Variants in POLQ observed in about 807,000 individuals in gnomAD.
POLQ encodes epididymis secretory sperm binding protein.
POLQ carries 233 observed loss-of-function variants against 259.2 expected under a neutral mutation model. The observed-to-expected ratio is 0.90, with a 90% confidence interval of 0.81 to 1.00. POLQ has a LOEUF of 1.00. Among genes scored for constraint, POLQ ranks in the 50% least tolerant of loss-of-function variants. POLQ has a pLI of 0.00. For synonymous variants in POLQ, 1,025 were observed against 1,048.8 expected (o/e 0.98, Z 0.44); for missense variants, 2,871 against 3,051.6 (o/e 0.94, Z 1.39).
At position 121,541,465 on chromosome 3, in the gene POLQ, C is replaced by T; in HGVS notation, c.358G>A (p.Gly120Arg). 6.2e-7 allele frequency: 1 copy of T among 1,604,562 alleles called. No homozygotes were observed. The highest frequency in any genetic ancestry group is 8.5e-7 in the Non-Finnish European group (1 of 1,176,718). The change falls in exon 3 of 30, where the codon GGG (glycine) becomes AGG (arginine). Residue 120 changes from glycine to arginine, a missense_variant. Physicochemically the swap from Gly to Arg is moderately radical, Grantham distance 125 (BLOSUM62 -2). Coordinates refer to ENST00000264233, the MANE Select transcript of POLQ (RefSeq NM_199420.4). ...AGTAATTCTGCCACAAGAGTCTTCC[C>T]AGCACTTGTAGGAGCTAAAACATGA... ...NLVYSAPTSA[G>R]KTLVAELLIL...
At chr3:121,444,530 T>C (rs994720214) in intron 26 of POLQ, among the ~76,000 whole-genome samples, 1 of 152,194 alleles carries the variant, frequency 6.6e-6, no homozygotes, top group African/African-American at 2.4e-5. Context: ...TAAGATCATA[T>C]CTTCTACAAA....
Position 121,498,570 on chromosome 3 carries a change from A to G in POLQ, c.2060T>C (p.Val687Ala). ...PTSMKRVAEL[V>A]GVEEGFLARC... Reference sequence around the variant, plus strand: ...GGCCAAGAACCCCTCTTCAACTCCCACTAGCTCTGCCACCCTTTTCATTGA... The same window carrying G: ...GGCCAAGAACCCCTCTTCAACTCCCGCTAGCTCTGCCACCCTTTTCATTGA... The change falls in exon 13 of 30, where the codon GTG becomes GCG. Residue 687 changes from valine (V) to alanine (A), a missense_variant. This residue lies in a region of POLQ where 783 missense variants were observed against 906.2 expected (regional missense o/e 0.86). Transcript: ENST00000264233. The G allele has an allele frequency of 6.2e-7, 1 of 1,614,018 alleles. No individual in the cohort carries two copies. Among genetic ancestry groups the G allele is most frequent in the Non-Finnish European group, 8.5e-7 (1 of 1,179,912 alleles).
At chr3:121,484,480 C>T (rs1370163240) in intron 17 of POLQ, among the ~76,000 whole-genome samples, 1 of 152,174 alleles carries the variant, frequency 6.6e-6, no homozygotes, top group African/African-American at 2.4e-5. Flanking sequence ...TTCACTGCCC[C>T]CTCAGAGGAA....
chr3:121,465,531 T>A (rs1053342511), intron 24 of POLQ, among the ~76,000 whole-genome samples: 2 of 152,176 alleles, frequency 1.3e-5, no homozygotes, highest in African/African-American at 4.8e-5. Context: ...GTTTTTTTCT[T>A]AAAGAAATTA....
chr3:121,444,994 A>C (rs1022366416), intron 26 of POLQ, among the ~76,000 whole-genome samples: 1 of 152,188 alleles, frequency 6.6e-6, no homozygotes, highest in East Asian at 1.9e-4. Flanking sequence ...GTTGAATTCC[A>C]TTTGTTACTA....
Position 121,496,748 on chromosome 3 carries a change from A to G in POLQ, c.2278+60T>C, listed in dbSNP as rs950294951. 2.0e-6 allele frequency: 3 copies of G among 1,532,478 alleles called. No homozygotes were observed. In the Admixed American group the frequency reaches 6.6e-5, roughly 34 times the overall value. The allele number at this position is 1,532,478 out of a possible 1,614,324, so 94.9% of individuals were successfully genotyped here. On this transcript the variant is annotated intron_variant, in intron 14 of 29. Transcript: ENST00000264233. The stretch of plus-strand genomic sequence containing the variant: ...AAAATGGAATTTGAAAAAAAAAGTA[A>G]TCTTAACTCGACCTCAAATCACAGT...
At chr3:121,446,788 T>C (rs533590933) in intron 26 of POLQ, among the ~76,000 whole-genome samples, 1 of 152,340 alleles carries the variant, frequency 6.6e-6, no homozygotes, top group South Asian at 2.1e-4. Context: ...TTGGTTTCCA[T>C]TGGCATGGAA....
chr3:121,501,060 C>A (rs932751964), intron 12 of POLQ, among the ~76,000 whole-genome samples: 2 of 152,118 alleles, frequency 1.3e-5, no homozygotes, highest in African/African-American at 4.8e-5. Context: ...ACCTCCTGGG[C>A]GGAAGCCATC....
intron 24 of POLQ, among the ~76,000 whole-genome samples, chr3:121,461,447 T>C (rs780133574): frequency 1.3e-5 from 2 of 151,980 alleles, no homozygotes; most frequent in Admixed American, 6.6e-5. Context: ...GGTCAGGAGA[T>C]CGAGACCATC....
At position 121,432,143 on chromosome 3, in the gene POLQ, C is replaced by A; in HGVS notation, c.*161G>T. On this transcript the variant is annotated 3_prime_UTR_variant, in exon 30 of 30. Transcript: ENST00000264233. ...CCCCAGAAGTTTTTGATGCTATAGA[C>A]ACTGATATATAGTTTGAAACTCTCA... 3 of 582,996 alleles carry A rather than the reference C, an allele frequency of 5.1e-6. No individual in the cohort carries two copies. Among genetic ancestry groups the A allele is most frequent in the South Asian group, 3.6e-5 (1 of 27,986 alleles). The allele number at this position is 582,996 out of a possible 1,614,324, so 36.1% of individuals were successfully genotyped here. A position where few individuals can be genotyped will look rare whatever the true frequency, so the allele number is the denominator to read the frequency against.
intron 12 of POLQ, among the ~76,000 whole-genome samples, chr3:121,508,674 G>A (rs553869966): frequency 1.1e-4 from 16 of 152,232 alleles, no homozygotes; most frequent in African/African-American, 3.4e-4. Context: ...TGTATTATGC[G>A]AGTTTGTAAT....
At position 121,489,841 on chromosome 3, in the gene POLQ, GA is replaced by G; in HGVS notation, c.3089del (p.Phe1030SerfsTer6). 2 of 1,610,832 alleles carry G rather than the reference GA, an allele frequency of 1.2e-6. No homozygotes were observed. Among genetic ancestry groups the G allele is most frequent in the Non-Finnish European group, 1.7e-6 (2 of 1,179,308 alleles). ...SQKTKKAPLN[F>X]NSEKMSRSFR... ...AACTTCTGCTCATCTTTTCTGAATT[GA>G]AATTCAAAGGTGCCTTTTTTGTTTT... On this transcript the variant is annotated frameshift_variant, in exon 16 of 30. Transcript: ENST00000264233. LOFTEE classifies it high-confidence loss of function.
intron 15 of POLQ, among the ~76,000 whole-genome samples, chr3:121,492,016 T>TCCA (rs2048072431): frequency 6.6e-6 from 1 of 152,120 alleles, no homozygotes; most frequent in Non-Finnish European, 1.5e-5. Context: ...CCAAACCATC[T>TCCA]CCACCACCCC....
intron 9 of POLQ, among the ~76,000 whole-genome samples, chr3:121,515,947 C>G (rs181795255): frequency 4.0e-5 from 6 of 151,772 alleles, no homozygotes; most frequent in Non-Finnish European, 7.4e-5. Flanking sequence ...AAACAATATA[C>G]AAACAAAACA....
At position 121,545,732 on chromosome 3, in the gene POLQ, A is replaced by G. The variant is rs1198822522; in HGVS notation, c.146T>C (p.Leu49Pro). 6.3e-7 allele frequency: 1 copy of G among 1,576,804 alleles called. No individual in the cohort carries two copies. ...LSPPPGLGRC[L>P]KAAAAGECKP... ...TGGAGCACCTGCAGCTGCGGCCTTC[A>G]GGCAGCGACCAAGGCCGGGCGGCGG... is the stretch of plus-strand genomic sequence containing the variant. Residue 49 changes from leucine (L) to proline (P), a missense_variant, in exon 1 of 30, where the codon CTG becomes CCG. Around this residue, in one of 3 missense-constraint regions of POLQ, gnomAD observed 783 missense variants for 906.2 expected, o/e 0.86. Coordinates refer to ENST00000264233, the MANE Select transcript of POLQ (RefSeq NM_199420.4).
chr3:121,517,484 C>T (rs1002604918), intron 9 of POLQ, among the ~76,000 whole-genome samples: 1 of 151,938 alleles, frequency 6.6e-6, no homozygotes, highest in Non-Finnish European at 1.5e-5. Flanking sequence ...GAAAGCTGTT[C>T]CAATAGCCAT....
chr3:121,490,001 T>C lies in POLQ; in HGVS notation c.2930A>G (p.Asn977Ser). The C allele has an allele frequency of 6.3e-7, 1 of 1,581,060 alleles. No individual in the cohort carries two copies. Among genetic ancestry groups the C allele is most frequent in the Non-Finnish European group, 8.5e-7 (1 of 1,170,560 alleles). ...SSFNCNFQNG[N>S]QEHQTCSIFR... ...AATGGAACATGTCTGATGTTCTTGA[T>C]TCCCATTCTGGAAATTACAATTAAA... The change falls in exon 16 of 30, where the codon AAT becomes AGT. Residue 977 changes from asparagine (N) to serine (S), a missense_variant. This residue lies in a region of POLQ where 2,080 missense variants were observed against 2,126.0 expected (regional missense o/e 0.98). Coordinates refer to ENST00000264233, the MANE Select transcript of POLQ (RefSeq NM_199420.4).
chr3:121,462,420 C>T lies in POLQ; in HGVS notation c.6968-2186G>A, dbSNP rs141840099. Among the ~76,000 whole-genome samples, 674 of 152,218 alleles carry T rather than the reference C, an allele frequency of 4.4e-3. 1 individual carries two copies. Among genetic ancestry groups the T allele is most frequent in the Non-Finnish European group, 7.0e-3 (476 of 68,014 alleles). On this transcript the variant is annotated intron_variant, in intron 24 of 29. Coordinates refer to ENST00000264233, the MANE Select transcript of POLQ (RefSeq NM_199420.4). Reference sequence around the variant, plus strand: ...GCAGGGAAAGGGAGCTGAAGCACAGCGCTGTATCTGTCTCTGAACTAAGGA... The same window carrying T: ...GCAGGGAAAGGGAGCTGAAGCACAGTGCTGTATCTGTCTCTGAACTAAGGA...
chr3:121,453,230 AC>A (rs1370628629), intron 25 of POLQ, among the ~76,000 whole-genome samples: 1 of 151,988 alleles, frequency 6.6e-6, no homozygotes, highest in Non-Finnish European at 1.5e-5. Flanking sequence ...CACACCAAAA[AC>A]CCATCTGTAC....
Sources: gnomAD v4.1 joint callset for allele counts (sites outside exome capture counted in the v4.1 genomes callset) on GRCh38, gnomAD v4.1.1 for gene constraint, gnomAD v4.1.1 regional missense constraint, MANE v1.5 for transcripts, NCBI Gene and HGNC (gene_info 2026-07-23, HGNC 2026-07-21) for gene names.